KIF13A: variants seen among roughly 807,000 people sequenced by gnomAD.
The protein encoded by KIF13A is kinesin family member 13A.
KIF13A carries 79 observed loss-of-function variants against 212.2 expected under a neutral mutation model. The ratio of observed to expected loss-of-function variants is 0.37; its 90% CI spans 0.31 to 0.45. The LOEUF (loss-of-function observed/expected upper bound fraction) is 0.45. KIF13A is among the 20% of genes least tolerant of loss of function. The pLI, the probability that KIF13A is intolerant of heterozygous loss-of-function variation, is 1.00. For missense variants in KIF13A, 1,901 were observed against 2,209.0 expected (o/e 0.86, Z 2.79); for synonymous variants, 789 against 808.6 (o/e 0.98, Z 0.41).
chr6:17,902,630 A>C (rs1454440773), intron 2 of KIF13A, among the ~76,000 whole-genome samples: 1 of 152,132 alleles, frequency 6.6e-6, no homozygotes, highest in African/African-American at 2.4e-5. Flanking sequence ...ACTCTTGAAG[A>C]CACAGTTCAA....
intron 2 of KIF13A, among the ~76,000 whole-genome samples, chr6:17,940,120 T>C (rs1054672463): frequency 1.3e-5 from 2 of 151,720 alleles, no homozygotes; most frequent in Middle Eastern, 3.4e-3. Context: ...ATCGGGAATT[T>C]ACTCTATATG....
At chr6:17,950,215 G>C (rs1777735884) in intron 2 of KIF13A, among the ~76,000 whole-genome samples, 1 of 152,082 alleles carries the variant, frequency 6.6e-6, no homozygotes. Flanking sequence ...GTGAGTATCT[G>C]ATTTTTCCTG....
intron 20 of KIF13A, among the ~76,000 whole-genome samples, chr6:17,803,703 AAC>A (rs1762670536): frequency 6.6e-6 from 1 of 152,200 alleles, no homozygotes; most frequent in Non-Finnish European, 1.5e-5. Flanking sequence ...GCCAGGAAGG[AAC>A]TAGAGTATAT....
At chr6:17,964,869 C>G (rs1413723071) in intron 2 of KIF13A, among the ~76,000 whole-genome samples, 2 of 152,114 alleles carry the variant, frequency 1.3e-5, no homozygotes, top group African/African-American at 4.8e-5. Flanking sequence ...TGTCGCCAGG[C>G]TGGAGTGTAG....
At chr6:17,878,846 G>C (rs1348595438) in intron 3 of KIF13A, among the ~76,000 whole-genome samples, 1 of 152,170 alleles carries the variant, frequency 6.6e-6, no homozygotes, top group African/African-American at 2.4e-5. Flanking sequence ...AAACCCTGCA[G>C]ATGAAAAGAG....
intron 2 of KIF13A, among the ~76,000 whole-genome samples, chr6:17,921,941 G>A (rs1370527799): frequency 3.3e-5 from 5 of 152,172 alleles, no homozygotes; most frequent in African/African-American, 1.2e-4. Context: ...TACTTTTATT[G>A]ATTAATCCAA....
At chr6:17,948,211 C>A (rs1044987608) in intron 2 of KIF13A, among the ~76,000 whole-genome samples, 2 of 152,198 alleles carry the variant, frequency 1.3e-5, no homozygotes, top group African/African-American at 4.8e-5. Flanking sequence ...AATAGCCAGA[C>A]TGAAGGATCA....
rs1768029606 is a variant in KIF13A, at chr6:17,855,208, G to C, written c.494+229C>G. ...ATGGTGGCAAAAAAAAATACCAATA[G>C]TAAAAACATCTTTTCAAAGGGCATA... On this transcript the variant is annotated intron_variant, in intron 6 of 38. Coordinates refer to ENST00000259711, the MANE Select transcript of KIF13A (RefSeq NM_022113.6). This position sits in a 1 kb window ranked among gnomAD's most constrained non-coding sequence, Gnocchi z 4.1. Among the ~76,000 whole-genome samples, 1 of 152,026 alleles carries C rather than the reference G, an allele frequency of 6.6e-6. No individual in the cohort carries two copies. Among genetic ancestry groups the C allele is most frequent in the South Asian group, 2.1e-4 (1 of 4,832 alleles).
intron 3 of KIF13A, among the ~76,000 whole-genome samples, chr6:17,885,297 A>G (rs991093364): frequency 1.3e-5 from 2 of 152,228 alleles, no homozygotes; most frequent in Non-Finnish European, 2.9e-5. Flanking sequence ...AAGGAATGCT[A>G]GAGTCATCAC....
rs545403938 is a variant in KIF13A at position 17,834,416 on chromosome 6, A to G, written c.1156-345T>C. On this transcript the variant is annotated intron_variant, in intron 11 of 38. Transcript: ENST00000259711. The surrounding 1 kb of genome is among the most constrained non-coding windows in gnomAD (Gnocchi z 4.0). ...GTTACTTAAGCAGACTTCTTTTTCA[A>G]TAAGACGGAGGTTAACACTCATCAT... 2.6e-5 allele frequency among the ~76,000 whole-genome samples: 4 copies of G among 152,372 alleles called. No homozygotes were observed. The highest frequency in any genetic ancestry group is 4.1e-4 in the South Asian group (2 of 4,826).
At chr6:17,862,991 C>T (rs1768979116) in intron 4 of KIF13A, among the ~76,000 whole-genome samples, 2 of 151,980 alleles carry the variant, frequency 1.3e-5, no homozygotes, top group Admixed American at 1.3e-4. Flanking sequence ...CAAAATTAGC[C>T]AGGCATGGTG....
chr6:17,977,051 G>C (rs953363095), intron 2 of KIF13A, among the ~76,000 whole-genome samples: 1 of 149,458 alleles, frequency 6.7e-6, no homozygotes, highest in Non-Finnish European at 1.5e-5. Context: ...GCAGTGAGCC[G>C]AGACTGCGCC....
chr6:17,976,575 C>T (rs1024621941), intron 2 of KIF13A, among the ~76,000 whole-genome samples: 2 of 152,174 alleles, frequency 1.3e-5, no homozygotes, highest in African/African-American at 2.4e-5. Flanking sequence ...TCTCCCTCCA[C>T]ACCTCCCTGC....
rs1457246011 is a variant in KIF13A, at chr6:17,888,796, G to A, written c.159+9372C>T. ...GCCGAGACTGTGCCACTGCACTCCA[G>A]CCTGGGTGACAGAGTGAGACCCTAT... On this transcript the variant is annotated intron_variant, in intron 3 of 38. Coordinates refer to ENST00000259711, the MANE Select transcript of KIF13A (RefSeq NM_022113.6). The surrounding 1 kb of genome is among the most constrained non-coding windows in gnomAD (Gnocchi z 4.8). Among the ~76,000 whole-genome samples, 4 of 152,052 alleles carry A rather than the reference G, an allele frequency of 2.6e-5. No individual in the cohort carries two copies. The highest frequency in any genetic ancestry group is 9.7e-5 in the African/African-American group (4 of 41,390).
chr6:17,784,960 C>T (rs560753864), intron 28 of KIF13A, among the ~76,000 whole-genome samples: 6 of 152,238 alleles, frequency 3.9e-5, no homozygotes, highest in Admixed American at 1.3e-4. Context: ...TGGGCATGTA[C>T]ATTCTGTGTT....
intron 18 of KIF13A, among the ~76,000 whole-genome samples, chr6:17,807,156 G>C (rs1287247724): frequency 6.6e-6 from 1 of 152,184 alleles, no homozygotes; most frequent in East Asian, 1.9e-4. Flanking sequence ...AGTGCACCTT[G>C]AAAAATAACA....
At chr6:17,813,905 T>C (rs74706489) in intron 17 of KIF13A, among the ~76,000 whole-genome samples, 4,466 of 151,724 alleles carry the variant, frequency 0.029, 230 homozygotes, top group African/African-American at 0.1. Context: ...CAGCAATTAG[T>C]ACCTGGTACA....
chr6:17,783,615 A>T lies in KIF13A; in HGVS notation c.3544+31T>A. On this transcript the variant is annotated intron_variant, in intron 29 of 38. Coordinates refer to ENST00000259711, the MANE Select transcript of KIF13A (RefSeq NM_022113.6). The surrounding 1 kb of genome is among the most constrained non-coding windows in gnomAD (Gnocchi z 4.3). ...AGATTACAAACCTTAGTTAAATACA[A>T]TAATCCCTGTGACTTTAAGTGTCTA... is the stretch of plus-strand genomic sequence containing the variant. 7.1e-7 allele frequency: 1 copy of T among 1,406,948 alleles called. No homozygotes were observed. Among genetic ancestry groups the T allele is most frequent in the Non-Finnish European group, 9.9e-7 (1 of 1,010,906 alleles). The allele number at this position is 1,406,948 out of a possible 1,614,324, so 87.2% of individuals were successfully genotyped here.
At chr6:17,884,021 C>T (rs1369024637) in intron 3 of KIF13A, among the ~76,000 whole-genome samples, 1 of 152,108 alleles carries the variant, frequency 6.6e-6, no homozygotes, top group African/African-American at 2.4e-5. Context: ...GGGAATTTCT[C>T]CTTCCTGTAA....
Sources: allele counts gnomAD v4.1 joint callset (sites outside exome capture counted in the v4.1 genomes callset), GRCh38; gene constraint gnomAD v4.1.1; non-coding constraint Gnocchi (gnomAD v3.1); transcripts MANE v1.5; gene names NCBI Gene and HGNC (gene_info 2026-07-23, HGNC 2026-07-21).